SFMBT1: variants seen among roughly 807,000 people sequenced by gnomAD.
The protein encoded by SFMBT1 is Scm like with four mbt domains 1.
Under a neutral mutation model 108.7 loss-of-function variants are expected in SFMBT1, and 32 were observed. The ratio of observed to expected loss-of-function variants is 0.29; its 90% confidence interval spans 0.22 to 0.40. The LOEUF (loss-of-function observed/expected upper bound fraction) is 0.40. SFMBT1 is among the 10% of genes least tolerant of loss of function. SFMBT1 has a pLI of 1.00. For missense variants in SFMBT1, 816 were observed against 1,059.6 expected (o/e 0.77, Z 3.19); for synonymous variants, 348 against 369.5 (o/e 0.94, Z 0.67).
intron 2 of SFMBT1, among the ~76,000 whole-genome samples, chr3:52,960,592 T>C (rs1001939709): frequency 6.6e-6 from 1 of 151,770 alleles, no homozygotes; most frequent in African/African-American, 2.4e-5. Context: ...CAGTACTTCC[T>C]CAAAATATTT....
At chr3:52,931,562 A>G (rs1398590672) in intron 6 of SFMBT1, among the ~76,000 whole-genome samples, 1 of 152,136 alleles carries the variant, frequency 6.6e-6, no homozygotes, top group Non-Finnish European at 1.5e-5. Context: ...GCACTTGGCC[A>G]GGTACGGTGT....
At chr3:52,990,517 G>GA (rs556749142) in intron 1 of SFMBT1, among the ~76,000 whole-genome samples, 1 of 151,854 alleles carries the variant, frequency 6.6e-6, no homozygotes, top group Non-Finnish European at 1.5e-5. Context: ...AATCTTTAAA[G>GA]AAAAAAAATC....
intron 1 of SFMBT1, among the ~76,000 whole-genome samples, chr3:52,979,076 A>T (rs1337300742): frequency 6.6e-6 from 1 of 152,186 alleles, no homozygotes; most frequent in Non-Finnish European, 1.5e-5. Flanking sequence ...GTAAACTTTA[A>T]ATAAGTGAGT....
rs113933728 is a variant in SFMBT1 at position 52,907,603 on chromosome 3, C to T, written c.2037G>A (p.Lys679=). The change falls in exon 18 of 21, where the codon AAG becomes AAA. Residue 679 remains lysine, a synonymous_variant. Transcript: ENST00000394752. ...KRRKNVFVHK[K]KRSSASVDNT... ...TATCAACAGATGCAGAGGAGCGTTT[C>T]TTCTTATGAACAAAAACATTTTTCC... is the stretch of plus-strand genomic sequence containing the variant. 41 of 1,614,118 alleles carry T rather than the reference C, an allele frequency of 2.5e-5. 2 individuals are homozygous for T. Among genetic ancestry groups the T allele is most frequent in the African/African-American group, 1.7e-4 (13 of 75,034 alleles).
intron 1 of SFMBT1, among the ~76,000 whole-genome samples, chr3:53,006,356 C>T (rs1698739050): frequency 2.0e-5 from 3 of 152,126 alleles, no homozygotes; most frequent in South Asian, 2.1e-4. Context: ...CCAGGCCTGG[C>T]GCGGTGGCTC....
chr3:52,944,831 T>A (rs1398273027), intron 3 of SFMBT1, among the ~76,000 whole-genome samples: 1 of 152,020 alleles, frequency 6.6e-6, no homozygotes, highest in Non-Finnish European at 1.5e-5. Context: ...TCTTTTTTAT[T>A]TTTTTAGACA....
chr3:53,031,587 A>C (rs1030452631), intron 1 of SFMBT1, among the ~76,000 whole-genome samples: 1 of 100,496 alleles, frequency 1.0e-5, no homozygotes, highest in Non-Finnish European at 2.3e-5. Context: ...AACTAAAACT[A>C]TAACACTGTA....
At chr3:52,934,943 C>A in intron 4 of SFMBT1, 42 bp from the exon 5 acceptor site, 1 of 1,545,796 alleles carries the variant, frequency 6.5e-7, no homozygotes, top group Non-Finnish European at 8.9e-7. Flanking sequence ...AAATGCCAGC[C>A]ACAGAATGCA....
At chr3:52,995,772 C>T (rs942386846) in intron 1 of SFMBT1, among the ~76,000 whole-genome samples, 1 of 149,852 alleles carries the variant, frequency 6.7e-6, no homozygotes, top group African/African-American at 2.4e-5. Context: ...AAGTTTAAAA[C>T]GTTTGCTCTT....
At chr3:52,950,801 T>C (rs1469014051) in intron 3 of SFMBT1, among the ~76,000 whole-genome samples, 1 of 152,088 alleles carries the variant, frequency 6.6e-6, no homozygotes, top group Non-Finnish European at 1.5e-5. Context: ...TAAACTGTTA[T>C]ATGTTCCCTC....
intron 1 of SFMBT1, among the ~76,000 whole-genome samples, chr3:52,977,677 G>T (rs1472253949): frequency 1.2e-4 from 18 of 152,136 alleles, no homozygotes; most frequent in Admixed American, 1.2e-3. Context: ...GTTTTATATA[G>T]ATGTATACAT....
At chr3:53,018,697 C>T (rs1444418993) in intron 1 of SFMBT1, among the ~76,000 whole-genome samples, 1 of 152,234 alleles carries the variant, frequency 6.6e-6, no homozygotes, top group Non-Finnish European at 1.5e-5. Flanking sequence ...ACTGGTACTG[C>T]TCTTGTCCAG....
intron 2 of SFMBT1, among the ~76,000 whole-genome samples, chr3:52,958,926 C>T (rs368890486): frequency 5.9e-5 from 9 of 152,304 alleles, no homozygotes; most frequent in Admixed American, 3.3e-4. Flanking sequence ...TACATATACA[C>T]CATGGAATAC....
At chr3:52,927,263 G>A (rs551119056) in intron 9 of SFMBT1, among the ~76,000 whole-genome samples, 50 of 152,148 alleles carry the variant, frequency 3.3e-4, no homozygotes, top group Non-Finnish European at 6.5e-4. Flanking sequence ...TGAAGGGACC[G>A]AGTTGTACTC....
At chr3:52,988,811 T>A (rs531747709) in intron 1 of SFMBT1, among the ~76,000 whole-genome samples, 1 of 152,338 alleles carries the variant, frequency 6.6e-6, no homozygotes, top group South Asian at 2.1e-4. Context: ...CAGACTTATA[T>A]GCAAGATGTA....
intron 1 of SFMBT1, among the ~76,000 whole-genome samples, chr3:53,034,948 A>G (rs1434165491): frequency 1.3e-5 from 2 of 152,188 alleles, no homozygotes; most frequent in African/African-American, 2.4e-5. Context: ...CAAAATAATG[A>G]TAATAATAAT....
chr3:53,039,532 T>C (rs1382974387), intron 1 of SFMBT1, among the ~76,000 whole-genome samples: 1 of 152,152 alleles, frequency 6.6e-6, no homozygotes, highest in African/African-American at 2.4e-5. Flanking sequence ...GTTCTAGAGA[T>C]GGATGGTGGT....
intron 8 of SFMBT1, among the ~76,000 whole-genome samples, chr3:52,929,254 T>C (rs1702783913): frequency 6.6e-6 from 1 of 152,196 alleles, no homozygotes; most frequent in Admixed American, 6.5e-5. Flanking sequence ...ATTTATTTAT[T>C]TAGAGACGGA....
intron 1 of SFMBT1, among the ~76,000 whole-genome samples, chr3:53,029,326 C>T (rs1200067629): frequency 2.0e-5 from 3 of 152,010 alleles, no homozygotes; most frequent in Non-Finnish European, 4.4e-5. Flanking sequence ...TAAATATATT[C>T]TCTGAGGGGT....
Sources: gnomAD v4.1 joint callset for allele counts (sites outside exome capture counted in the v4.1 genomes callset) on GRCh38, gnomAD v4.1.1 for gene constraint, MANE v1.5 for transcripts, NCBI Gene and HGNC (gene_info 2026-07-23, HGNC 2026-07-21) for gene names.